The following AFF3 variants were observed in gnomAD, a reference collection of about 807,000 sequenced individuals.
AFF3 encodes the protein ALF transcription elongation factor 3, also known as AF4/FMR2 family member 3.
In AFF3, 32 loss-of-function variants were observed where a neutral mutation model predicts 129.7. The observed-to-expected ratio is 0.25, with a 90% confidence interval of 0.19 to 0.33. The LOEUF (loss-of-function observed/expected upper bound fraction) is 0.33, where lower values mean the gene tolerates loss of function less well. Among genes scored for constraint, AFF3 ranks in the 10% least tolerant of loss-of-function variants. The pLI is 1.00. For missense variants in AFF3, 1,373 were observed against 1,592.0 expected (o/e 0.86, Z 2.34); for synonymous variants, 644 against 635.4 (o/e 1.01, Z -0.20).
intron 11 of AFF3, among the ~76,000 whole-genome samples, chr2:99,674,316 G>A (rs1411106243): frequency 6.6e-6 from 1 of 152,186 alleles, no homozygotes. Flanking sequence ...TGATTTATTA[G>A]AGCACTGTTT....
At chr2:99,852,568 C>G (rs756827370) in intron 7 of AFF3, among the ~76,000 whole-genome samples, 1 of 152,186 alleles carries the variant, frequency 6.6e-6, no homozygotes, top group African/African-American at 2.4e-5. Context: ...CAGATAACTG[C>G]TGGGCACCAA....
intron 13 of AFF3, among the ~76,000 whole-genome samples, chr2:99,604,170 C>A (rs577592848): frequency 1.3e-5 from 2 of 152,104 alleles, no homozygotes; most frequent in African/African-American, 4.8e-5. Flanking sequence ...GACACATGCA[C>A]GCGTATGTTC....
At chr2:100,131,735 C>T (rs1414964040) in intron 1 of AFF3, among the ~76,000 whole-genome samples, 1 of 152,208 alleles carries the variant, frequency 6.6e-6, no homozygotes, top group African/African-American at 2.4e-5. Flanking sequence ...GCTGGGATTA[C>T]AGGCGTGGAT....
At chr2:100,024,461 A>G (rs1376561065) in intron 4 of AFF3, among the ~76,000 whole-genome samples, 1 of 149,174 alleles carries the variant, frequency 6.7e-6, no homozygotes, top group African/African-American at 2.5e-5. Flanking sequence ...ATACAAAATT[A>G]GCCGGGCATG....
intron 9 of AFF3, among the ~76,000 whole-genome samples, chr2:99,749,874 C>T (rs1486177608): frequency 1.3e-5 from 2 of 152,158 alleles, no homozygotes; most frequent in African/African-American, 4.8e-5. Context: ...GGAGACAAAT[C>T]CATGTATTTA....
intron 7 of AFF3, among the ~76,000 whole-genome samples, chr2:99,944,395 C>T (rs951277759): frequency 6.6e-6 from 1 of 152,208 alleles, no homozygotes; most frequent in Non-Finnish European, 1.5e-5. Flanking sequence ...TGTTGTCACA[C>T]TGTGGGTGTT....
At chr2:99,946,710 G>A (rs571579846) in intron 7 of AFF3, among the ~76,000 whole-genome samples, 41 of 152,114 alleles carry the variant, frequency 2.7e-4, no homozygotes, top group East Asian at 1.9e-3. Flanking sequence ...CAAAGTTTAC[G>A]TTTTTTACTA....
chr2:99,882,537 G>T (rs1268959843), intron 7 of AFF3, among the ~76,000 whole-genome samples: 1 of 152,172 alleles, frequency 6.6e-6, no homozygotes, highest in African/African-American at 2.4e-5. Context: ...CATTTGGGAA[G>T]CACTCATCCC....
rs186824893 is a variant in AFF3, at chr2:99,869,548, C to T, written c.874-32024G>A. On this transcript the variant is annotated intron_variant, in intron 7 of 24. Transcript: ENST00000672756. ...GAAATTATGAAGTTTGGGGACTTCA[C>T]AGGACTTTGACTGATAAGTAATATT... 2.6e-5 allele frequency among the ~76,000 whole-genome samples: 4 copies of T among 152,322 alleles called. No homozygotes were observed. In the East Asian group the frequency reaches 7.7e-4, roughly 29 times the overall value.
At chr2:99,857,375 T>A (rs1277939556) in intron 7 of AFF3, among the ~76,000 whole-genome samples, 3 of 152,234 alleles carry the variant, frequency 2.0e-5, no homozygotes, top group African/African-American at 7.2e-5. Flanking sequence ...AAAATAATTA[T>A]GCTGATTATC....
intron 2 of AFF3, among the ~76,000 whole-genome samples, chr2:100,123,184 C>G (rs1692049520): frequency 1.3e-5 from 2 of 152,160 alleles, no homozygotes; most frequent in South Asian, 4.2e-4. Flanking sequence ...CTTGGCCAAC[C>G]CAGGGATAAA....
At chr2:99,904,327 T>C (rs1396454746) in intron 7 of AFF3, among the ~76,000 whole-genome samples, 1 of 152,062 alleles carries the variant, frequency 6.6e-6, no homozygotes, top group Non-Finnish European at 1.5e-5. Context: ...CATCCTCCCA[T>C]TAAATGGCAA....
intron 7 of AFF3, among the ~76,000 whole-genome samples, chr2:99,947,511 AAGAGAG>A (rs200130544): frequency 0.015 from 1,571 of 105,332 alleles, 64 homozygotes; most frequent in African/African-American, 0.068. Context: ...AAGAAAGAAA[AAGAGAG>A]AGAGAGAAAG....
At chr2:99,636,291 G>A (rs936261361) in intron 13 of AFF3, among the ~76,000 whole-genome samples, 3 of 152,176 alleles carry the variant, frequency 2.0e-5, no homozygotes, top group Non-Finnish European at 4.4e-5. Context: ...GCCATGTGGG[G>A]AGCTGCCAGG....
chr2:100,123,142 A>G (rs1017367506), intron 2 of AFF3, among the ~76,000 whole-genome samples: 1 of 152,260 alleles, frequency 6.6e-6, no homozygotes, highest in Non-Finnish European at 1.5e-5. Context: ...ACTAACATCC[A>G]CTAAAATAAT....
intron 8 of AFF3, 78 bp downstream of exon 8, chr2:99,837,399 T>C: frequency 1.4e-6 from 2 of 1,406,596 alleles, no homozygotes; most frequent in Non-Finnish European, 2.0e-6. Flanking sequence ...GGCTCCTTTA[T>C]CATGGAGCCG....
chr2:99,867,007 T>G (rs1256314109), intron 7 of AFF3, among the ~76,000 whole-genome samples: 3 of 131,590 alleles, frequency 2.3e-5, no homozygotes, highest in Non-Finnish European at 4.9e-5. Context: ...TAATAAAAAA[T>G]AAATAAAATA....
rs192069328 is a variant in AFF3, at chr2:99,718,638, C to T, written c.1091+8439G>A. 1.1e-3 allele frequency among the ~76,000 whole-genome samples: 160 copies of T among 152,204 alleles called. 1 individual carries two copies. Among genetic ancestry groups the T allele is most frequent in the African/African-American group, 3.6e-3 (150 of 41,524 alleles). ...TTGCCTTATTGCCTGACCAAAACCTCCAGGACAATGTTGAATAGAGGTGAT... is the reference window on the plus strand; with the variant it reads ...TTGCCTTATTGCCTGACCAAAACCTTCAGGACAATGTTGAATAGAGGTGAT... On this transcript the variant is annotated intron_variant, in intron 11 of 24. Coordinates refer to ENST00000672756, the MANE Select transcript of AFF3 (RefSeq NM_001386135.1).
At chr2:99,859,852 G>A (rs918481346) in intron 7 of AFF3, among the ~76,000 whole-genome samples, 1 of 152,030 alleles carries the variant, frequency 6.6e-6, no homozygotes, top group East Asian at 1.9e-4. Flanking sequence ...GCTTAGGCCT[G>A]GGGGTGATCA....
Sources: allele counts gnomAD v4.1 joint callset (sites outside exome capture counted in the v4.1 genomes callset), GRCh38; gene constraint gnomAD v4.1.1; transcripts MANE v1.5; gene names NCBI Gene and HGNC (gene_info 2026-07-23, HGNC 2026-07-21).